GFPT1: variants seen among roughly 807,000 people sequenced by gnomAD.
GFPT1 encodes the protein glutamine--fructose-6-phosphate aminotransferase [isomerizing] 1.
GFPT1 carries 40 observed loss-of-function variants against 92.0 expected under a neutral mutation model. The ratio of observed to expected loss-of-function variants is 0.43; its 90% CI spans 0.34 to 0.57. The LOEUF (loss-of-function observed/expected upper bound fraction) is 0.57. Ranked by LOEUF, GFPT1 falls within the 20% of genes least tolerant of loss-of-function variation. The probability of loss-of-function intolerance (pLI) is 0.02; values close to 1 mark genes in which losing one functional copy is unlikely to be tolerated. For missense variants in GFPT1, 448 were observed against 869.1 expected (o/e 0.52, Z 6.09); for synonymous variants, 269 against 280.6 (o/e 0.96, Z 0.41).
rs756833681 is a variant in GFPT1 at position 69,370,058 on chromosome 2, T to C, written c.166A>G (p.Lys56Glu). The change falls in exon 3 of 20, where the codon AAA (lysine) becomes GAA (glutamate). Residue 56 changes from lysine (K) to glutamate (E), a missense_variant. This residue lies in a region of GFPT1 where 72 missense variants were observed against 95.1 expected (regional missense o/e 0.76). Transcript: ENST00000357308. ...CCTTTCTTCTTAATAAGCTGGATTT[T>C]GCAGGCATTGGCTTCCCAATCTTTA... ...NDKDWEANACKIQLIKKKGKV... is the reference protein window; with the variant it reads ...NDKDWEANACEIQLIKKKGKV... 1 of 1,612,274 alleles carries C rather than the reference T, an allele frequency of 6.2e-7. No individual in the cohort carries two copies. Among genetic ancestry groups the C allele is most frequent in the Non-Finnish European group, 8.5e-7 (1 of 1,178,344 alleles).
chr2:69,332,474 C>T (rs1012452584), intron 15 of GFPT1, among the ~76,000 whole-genome samples: 2 of 151,720 alleles, frequency 1.3e-5, no homozygotes, highest in East Asian at 3.9e-4. Context: ...CCACCATGCC[C>T]GGCTAATTTT....
At chr2:69,332,490 G>C (rs1460291635) in intron 15 of GFPT1, among the ~76,000 whole-genome samples, 1 of 150,904 alleles carries the variant, frequency 6.6e-6, no homozygotes, top group Non-Finnish European at 1.5e-5. Flanking sequence ...ATTTTCTCGT[G>C]TTTTTTTAGT....
chr2:69,368,113 G>A (rs1324157497), intron 3 of GFPT1, among the ~76,000 whole-genome samples: 3 of 152,042 alleles, frequency 2.0e-5, no homozygotes, highest in South Asian at 2.1e-4. Context: ...GCAAGGTGTG[G>A]TGGCTCACGC....
rs893156956 is a variant in GFPT1, at chr2:69,359,173, C to T, written c.408+95G>A. The T allele has an allele frequency of 9.1e-6, 7 of 771,138 alleles. No individual in the cohort carries two copies. The African/African-American group carries it at 1.0e-4, about 11-fold the overall frequency. The allele number at this position is 771,138 out of a possible 1,614,324, so 47.8% of individuals were successfully genotyped here. A position where few individuals can be genotyped will look rare whatever the true frequency, so the allele number is the denominator to read the frequency against. Reference sequence around the variant, plus strand: ...GTCCAAGAAATTAATTGATGACACACATATGGTGTTTGTTGCACATCCCAA... The same window carrying T: ...GTCCAAGAAATTAATTGATGACACATATATGGTGTTTGTTGCACATCCCAA... On this transcript the variant is annotated intron_variant, in intron 5 of 19. Coordinates refer to ENST00000357308, the MANE Select transcript of GFPT1 (RefSeq NM_001244710.2).
intron 15 of GFPT1, among the ~76,000 whole-genome samples, chr2:69,331,693 G>A (rs1022846268): frequency 1.3e-5 from 2 of 151,992 alleles, no homozygotes; most frequent in African/African-American, 4.8e-5. Flanking sequence ...CATGTGAAAT[G>A]TTTTGAGACA....
chr2:69,382,876 T>C (rs562806029), intron 1 of GFPT1, among the ~76,000 whole-genome samples: 1 of 152,242 alleles, frequency 6.6e-6, no homozygotes, highest in Non-Finnish European at 1.5e-5. Context: ...CTACTCATTC[T>C]ACTTGTGGTC....
intron 4 of GFPT1, among the ~76,000 whole-genome samples, chr2:69,362,932 C>T (rs1281261591): frequency 6.6e-6 from 1 of 152,026 alleles, no homozygotes; most frequent in Admixed American, 6.6e-5. Flanking sequence ...GAGAGATATG[C>T]CCTAAGGACA....
chr2:69,343,040 C>A (rs1006915220), intron 12 of GFPT1, among the ~76,000 whole-genome samples: 1 of 152,138 alleles, frequency 6.6e-6, no homozygotes, highest in Non-Finnish European at 1.5e-5. Context: ...CCATATGCTA[C>A]CAGAAGGATC....
At chr2:69,357,200 T>A (rs1040741003) in intron 6 of GFPT1, among the ~76,000 whole-genome samples, 2 of 152,200 alleles carry the variant, frequency 1.3e-5, no homozygotes, top group Non-Finnish European at 2.9e-5. Context: ...CTATGAATTA[T>A]CAGAGGAACG....
rs770595095 is a variant in GFPT1, at chr2:69,338,422, T to A, written c.1324+23A>T. 5 of 1,594,192 alleles carry A rather than the reference T, an allele frequency of 3.1e-6. No individual in the cohort carries two copies. In the South Asian group the frequency reaches 4.4e-5, roughly 14 times the overall value. On this transcript the variant is annotated intron_variant, in intron 14 of 19. Coordinates refer to ENST00000357308, the MANE Select transcript of GFPT1 (RefSeq NM_001244710.2). ...TTAGAAAGAATAACTTTCCTTCCTT[T>A]TAAGTCTTTAAAATTAACACACCTG... is the stretch of plus-strand genomic sequence containing the variant.
At chr2:69,336,492 A>G (rs1009171807) in intron 15 of GFPT1, among the ~76,000 whole-genome samples, 3 of 152,134 alleles carry the variant, frequency 2.0e-5, no homozygotes, top group African/African-American at 4.8e-5. Context: ...ACAATCCTTT[A>G]ATTAAACTCA....
At chr2:69,367,496 A>G (rs914008077) in intron 3 of GFPT1, among the ~76,000 whole-genome samples, 9 of 152,112 alleles carry the variant, frequency 5.9e-5, no homozygotes, top group Admixed American at 5.9e-4. Flanking sequence ...GAATAGCTGG[A>G]ACTACAGGTG....
chr2:69,380,357 G>A (rs1294987279), intron 1 of GFPT1, among the ~76,000 whole-genome samples: 1 of 151,998 alleles, frequency 6.6e-6, no homozygotes, highest in Non-Finnish European at 1.5e-5. Context: ...AATAAAAAAT[G>A]TAAAAGTAAA....
At chr2:69,387,041 G>GC (rs1436707496) in intron 1 of GFPT1, 24 bp downstream of exon 1, 12 of 1,515,462 alleles carry the variant, frequency 7.9e-6, no homozygotes, top group East Asian at 7.4e-5. Context: ...CCGGCAACAC[G>GC]CCCCCCGCTC....
chr2:69,334,258 A>G (rs190243990), intron 15 of GFPT1, among the ~76,000 whole-genome samples: 1 of 152,276 alleles, frequency 6.6e-6, no homozygotes, highest in African/African-American at 2.4e-5. Context: ...TAAATAACCC[A>G]AAACTTATTG....
At chr2:69,361,714 C>T (rs1034340116) in intron 4 of GFPT1, among the ~76,000 whole-genome samples, 7 of 152,172 alleles carry the variant, frequency 4.6e-5, no homozygotes, top group African/African-American at 1.7e-4. Flanking sequence ...TGCAGTGGTT[C>T]ATGCCTGTAA....
At chr2:69,340,718 T>C (rs1670929031) in intron 13 of GFPT1, among the ~76,000 whole-genome samples, 1 of 151,970 alleles carries the variant, frequency 6.6e-6, no homozygotes, top group Admixed American at 6.6e-5. Flanking sequence ...ATGGTACTAT[T>C]TTGTCTGATA....
chr2:69,380,986 CT>C (rs1181182952), intron 1 of GFPT1, among the ~76,000 whole-genome samples: 242 of 144,628 alleles, frequency 1.7e-3, no homozygotes, highest in Non-Finnish European at 1.7e-3. Flanking sequence ...GAATTAAAGT[CT>C]TTTTTTTTTT....
At chr2:69,328,956 T>C (rs988463439) in intron 17 of GFPT1, among the ~76,000 whole-genome samples, 82 of 152,296 alleles carry the variant, frequency 5.4e-4, no homozygotes, top group African/African-American at 1.9e-3. Context: ...CTACCTGCCA[T>C]GTCCTCCCAA....
Sources: gnomAD v4.1 joint callset for allele counts (sites outside exome capture counted in the v4.1 genomes callset) on GRCh38, gnomAD v4.1.1 for gene constraint, gnomAD v4.1.1 regional missense constraint, MANE v1.5 for transcripts, NCBI Gene and HGNC (gene_info 2026-07-23, HGNC 2026-07-21) for gene names.